EYS: variants seen among roughly 807,000 people sequenced by gnomAD.
EYS encodes the protein protein eyes shut homolog.
Under a neutral mutation model 282.1 loss-of-function variants are expected in EYS, and 250 were observed. That is an observed-to-expected ratio of 0.89 (90% CI 0.80 to 0.98). The LOEUF (loss-of-function observed/expected upper bound fraction) is 0.98, where lower values mean the gene tolerates loss of function less well. EYS is among the 50% of genes least tolerant of loss of function. The pLI is 0.00. For synonymous variants in EYS, 1,355 were observed against 1,282.9 expected (o/e 1.06, Z -1.20); for missense variants, 4,016 against 3,709.0 (o/e 1.08, Z -2.15).
intron 12 of EYS, among the ~76,000 whole-genome samples, chr6:65,120,158 A>C (rs1055220317): frequency 1.3e-5 from 2 of 150,316 alleles, no homozygotes; most frequent in African/African-American, 4.9e-5. Flanking sequence ...TCTCAAAAAA[A>C]AAAAAAAACA....
intron 14 of EYS, among the ~76,000 whole-genome samples, chr6:64,982,567 G>T (rs991808386): frequency 2.0e-5 from 3 of 151,338 alleles, no homozygotes; most frequent in African/African-American, 7.2e-5. Flanking sequence ...TTTGAAAAGT[G>T]TTGGCAGAAG....
intron 11 of EYS, among the ~76,000 whole-genome samples, chr6:65,309,503 C>G (rs1341727806): frequency 6.6e-6 from 1 of 152,148 alleles, no homozygotes; most frequent in African/African-American, 2.4e-5. Context: ...CTTCCTATGA[C>G]TAGATATCAG....
chr6:64,997,539 A>G, intron 14 of EYS, 43 bp downstream of exon 14: 3 of 1,534,620 alleles, frequency 2.0e-6, no homozygotes, highest in Non-Finnish European at 2.6e-6. Flanking sequence ...GTTAAATTAT[A>G]TTAGTCCACA....
chr6:65,574,358 G>A (rs902004692), intron 2 of EYS, among the ~76,000 whole-genome samples: 1 of 152,040 alleles, frequency 6.6e-6, no homozygotes, highest in African/African-American at 2.4e-5. Context: ...ACAAAGAGAA[G>A]GTCCTGCAAG....
chr6:65,233,012 T>C (rs1196455121), intron 12 of EYS, among the ~76,000 whole-genome samples: 2 of 152,166 alleles, frequency 1.3e-5, no homozygotes, highest in East Asian at 3.9e-4. Flanking sequence ...TTAAAGAATT[T>C]CCTTTGTATT....
intron 31 of EYS, among the ~76,000 whole-genome samples, chr6:64,206,735 C>G (rs1011007719): frequency 6.6e-6 from 1 of 152,106 alleles, no homozygotes; most frequent in Non-Finnish European, 1.5e-5. Flanking sequence ...TGTGGCAACT[C>G]AGATTATAGA....
chr6:65,196,247 C>T (rs936484019), intron 12 of EYS, among the ~76,000 whole-genome samples: 9 of 151,850 alleles, frequency 5.9e-5, no homozygotes, highest in Non-Finnish European at 1.2e-4. Flanking sequence ...CTGAACTTCA[C>T]TCTTTAATAG....
At chr6:64,864,029 ATG>A (rs1257792659) in intron 19 of EYS, among the ~76,000 whole-genome samples, 1 of 152,140 alleles carries the variant, frequency 6.6e-6, no homozygotes, top group Non-Finnish European at 1.5e-5. Flanking sequence ...CAGTCATCTC[ATG>A]TGTTTCTCTT....
intron 2 of EYS, among the ~76,000 whole-genome samples, chr6:65,525,188 A>G (rs1051397020): frequency 6.6e-6 from 1 of 152,092 alleles, no homozygotes; most frequent in Non-Finnish European, 1.5e-5. Flanking sequence ...GCATTTGAAG[A>G]TAGGGCTCAA....
intron 26 of EYS, among the ~76,000 whole-genome samples, chr6:64,484,983 GTGAAGGGAATAAATACTTGAT>G (rs1776540351): frequency 6.6e-6 from 1 of 151,606 alleles, no homozygotes; most frequent in Non-Finnish European, 1.5e-5. Context: ...AAACAAAAAT[GTGAAGGGAATAAATACTTGAT>G]TGAACAGTAG....
At chr6:64,350,509 T>A (rs1309691291) in intron 29 of EYS, among the ~76,000 whole-genome samples, 1 of 151,540 alleles carries the variant, frequency 6.6e-6, no homozygotes, top group Admixed American at 6.6e-5. Flanking sequence ...GCCAGTTGTA[T>A]GGATCTGGGC....
At chr6:64,189,630 CT>C (rs2080313882) in intron 31 of EYS, among the ~76,000 whole-genome samples, 1 of 152,052 alleles carries the variant, frequency 6.6e-6, no homozygotes, top group African/African-American at 2.4e-5. Flanking sequence ...GGAGATTATC[CT>C]CATTAATGTG....
chr6:64,661,325 G>T (rs1769009380), intron 22 of EYS, among the ~76,000 whole-genome samples: 1 of 152,078 alleles, frequency 6.6e-6, no homozygotes, highest in South Asian at 2.1e-4. Flanking sequence ...ACATAGGTAT[G>T]GGCAAGGACT....
chr6:64,366,429 C>A (rs941441825), intron 29 of EYS, among the ~76,000 whole-genome samples: 1 of 151,978 alleles, frequency 6.6e-6, no homozygotes, highest in Non-Finnish European at 1.5e-5. Context: ...CTAGACCAAC[C>A]AAATGGCTGA....
chr6:64,664,461 G>C (rs1769158255), intron 22 of EYS, among the ~76,000 whole-genome samples: 1 of 152,180 alleles, frequency 6.6e-6, no homozygotes, highest in African/African-American at 2.4e-5. Context: ...AATCCAGCTA[G>C]TCCTGTCTCT....
At chr6:65,149,355 A>G (rs1459915468) in intron 12 of EYS, among the ~76,000 whole-genome samples, 1 of 152,148 alleles carries the variant, frequency 6.6e-6, no homozygotes, top group Admixed American at 6.5e-5. Flanking sequence ...ATGATTTGCT[A>G]AGGCATAGCA....
intron 14 of EYS, among the ~76,000 whole-genome samples, chr6:64,979,442 G>GA (rs890745486): frequency 3.3e-5 from 5 of 151,550 alleles, no homozygotes; most frequent in Middle Eastern, 3.4e-3. Flanking sequence ...CCTCCCGTGG[G>GA]AAAAAAAGAG....
At chr6:65,229,474 T>C (rs1426695722) in intron 12 of EYS, among the ~76,000 whole-genome samples, 1 of 151,498 alleles carries the variant, frequency 6.6e-6, no homozygotes, top group African/African-American at 2.4e-5. Flanking sequence ...TGGAGAAAAG[T>C]CAATTGTATA....
chr6:64,179,866 T>C (rs1764740073), intron 31 of EYS, among the ~76,000 whole-genome samples: 1 of 152,084 alleles, frequency 6.6e-6, no homozygotes, highest in African/African-American at 2.4e-5. Context: ...TTACAGACAG[T>C]GAATTAAGCA....
Sources: allele counts gnomAD v4.1 joint callset (sites outside exome capture counted in the v4.1 genomes callset), GRCh38; gene constraint gnomAD v4.1.1; transcripts MANE v1.5; gene names NCBI Gene and HGNC (gene_info 2026-07-23, HGNC 2026-07-21).